Variants in DNAH5 observed in about 807,000 individuals in gnomAD.
DNAH5 encodes axonemal beta dynein heavy chain 5.
DNAH5 carries 372 observed loss-of-function variants against 518.2 expected under a neutral mutation model. That is an observed-to-expected ratio of 0.72 (90% CI 0.66 to 0.78). DNAH5 has a LOEUF of 0.78. Among genes scored for constraint, DNAH5 ranks in the 30% least tolerant of loss-of-function variants. The pLI, the probability that DNAH5 is intolerant of heterozygous loss-of-function variation, is 0.00. For missense variants in DNAH5, 5,523 were observed against 5,687.0 expected, an observed-to-expected ratio of 0.97 and a Z score of 0.93; for synonymous variants, 2,039 against 2,025.9, an observed-to-expected ratio of 1.01 and a Z score of -0.17.
At chr5:13,747,224 T>G (rs1361136923) in intron 65 of DNAH5, among the ~76,000 whole-genome samples, 1 of 152,180 alleles carries the variant, frequency 6.6e-6, no homozygotes, top group Non-Finnish European at 1.5e-5. Context: ...GAACTCATCC[T>G]TTTTTACGGC....
intron 52 of DNAH5, among the ~76,000 whole-genome samples, chr5:13,783,645 A>G (rs1181423454): frequency 6.6e-6 from 1 of 152,200 alleles, no homozygotes; most frequent in East Asian, 1.9e-4. Flanking sequence ...ACTTTCACCA[A>G]AGAGACAAAA....
chr5:13,820,651 C>T (rs1561348561), intron 40 of DNAH5, 152 bp from the exon 41 acceptor site: 11 of 862,348 alleles, frequency 1.3e-5, no homozygotes, highest in South Asian at 8.3e-5. Flanking sequence ...GGTGAAACCC[C>T]GTCTCTACTA....
chr5:13,766,466 A>G (rs1752528859), intron 58 of DNAH5, among the ~76,000 whole-genome samples: 1 of 152,258 alleles, frequency 6.6e-6, no homozygotes, highest in Admixed American at 6.5e-5. Context: ...GAAAAAAGAA[A>G]GGCATAATCT....
At chr5:13,890,413 A>C (rs1344909455) in intron 17 of DNAH5, among the ~76,000 whole-genome samples, 2 of 151,304 alleles carry the variant, frequency 1.3e-5, no homozygotes, top group African/African-American at 2.4e-5. Context: ...TCTCAAAAAA[A>C]AAAAAAAAGG....
rs1284693988 is a variant in DNAH5, at chr5:13,754,313, C to T, written c.10445G>A (p.Cys3482Tyr). Reference sequence around the variant, plus strand: ...GGAAGCTGTCTGCATCTTGTGTCTGCATCGCTCTGCATCTTCAAGCAAGGT... The same window carrying T: ...GGAAGCTGTCTGCATCTTGTGTCTGTATCGCTCTGCATCTTCAAGCAAGGT... ...KQTLLEDAER[C>Y]RHKMQTASTL... Residue 3482 changes from cysteine to tyrosine, a missense_variant, in exon 62 of 79, where the codon TGC (cysteine) becomes TAC (tyrosine). Around this residue, in one of 3 missense-constraint regions of DNAH5, gnomAD observed 5,121 missense variants for 5,223.3 expected, o/e 0.98. Transcript: ENST00000265104. 4 of 1,614,076 alleles carry T rather than the reference C, an allele frequency of 2.5e-6. No individual in the cohort carries two copies. The South Asian group carries it at 4.4e-5, about 18-fold the overall frequency.
chr5:14,006,268 A>G (rs10866505), intron 1 of DNAH5, among the ~76,000 whole-genome samples: 50,009 of 152,076 alleles, frequency 0.33, 9,102 homozygotes, highest in East Asian at 0.82. Flanking sequence ...TCCAGTTGAC[A>G]TACCAGCGCG....
intron 55 of DNAH5, among the ~76,000 whole-genome samples, chr5:13,771,987 C>T (rs1753405289): frequency 6.6e-6 from 1 of 152,144 alleles, no homozygotes; most frequent in Admixed American, 6.5e-5. Context: ...ATAATAGAGA[C>T]AATTCATCGG....
chr5:13,739,637 A>G (rs1279201719), intron 65 of DNAH5, among the ~76,000 whole-genome samples: 1 of 152,196 alleles, frequency 6.6e-6, no homozygotes, highest in Non-Finnish European at 1.5e-5. Context: ...ATGAAACCAT[A>G]TAAAACATAA....
intron 1 of DNAH5, among the ~76,000 whole-genome samples, chr5:14,001,676 T>TC (rs373511430): frequency 0.036 from 5,290 of 147,840 alleles, 120 homozygotes; most frequent in South Asian, 0.065. Flanking sequence ...TTTTTTTCTT[T>TC]TCTTTTTTTT....
At chr5:13,697,779 C>T (rs1741570419) in intron 78 of DNAH5, among the ~76,000 whole-genome samples, 1 of 152,208 alleles carries the variant, frequency 6.6e-6, no homozygotes, top group Non-Finnish European at 1.5e-5. Flanking sequence ...CCATTACCAC[C>T]TCATGACTTT....
intron 53 of DNAH5, among the ~76,000 whole-genome samples, chr5:13,779,618 A>G (rs997230931): frequency 3.9e-5 from 6 of 152,206 alleles, no homozygotes; most frequent in Non-Finnish European, 7.4e-5. Flanking sequence ...CACCTCTCCA[A>G]ATCACCTCTG....
chr5:13,890,736 A>T (rs1030244298), intron 17 of DNAH5, among the ~76,000 whole-genome samples: 1 of 152,236 alleles, frequency 6.6e-6, no homozygotes, highest in Non-Finnish European at 1.5e-5. Context: ...AGTGTGTTCT[A>T]TGGCAATTTC....
intron 1 of DNAH5, among the ~76,000 whole-genome samples, chr5:13,989,963 C>T (rs1251081516): frequency 6.6e-5 from 10 of 151,994 alleles, no homozygotes; most frequent in Admixed American, 3.3e-4. Context: ...AACAGGGCTG[C>T]GAAGTAGGTA....
At chr5:13,985,283 TG>T (rs1260592636) in intron 1 of DNAH5, among the ~76,000 whole-genome samples, 16 of 75,848 alleles carry the variant, frequency 2.1e-4, no homozygotes, top group African/African-American at 8.5e-4. Context: ...TGTTGTAGGG[TG>T]GGGGGAGGGG....
At chr5:13,771,658 T>C (rs1443832287) in intron 55 of DNAH5, among the ~76,000 whole-genome samples, 1 of 152,190 alleles carries the variant, frequency 6.6e-6, no homozygotes, top group Non-Finnish European at 1.5e-5. Context: ...TGAATGCCTG[T>C]TGCGGAGCCA....
intron 65 of DNAH5, among the ~76,000 whole-genome samples, chr5:13,741,310 G>T (rs1380557320): frequency 6.6e-6 from 1 of 152,164 alleles, no homozygotes; most frequent in Non-Finnish European, 1.5e-5. Flanking sequence ...CAGTGAATCA[G>T]GTCTGCGGAC....
chr5:13,852,714 G>A (rs895282483), intron 30 of DNAH5, among the ~76,000 whole-genome samples: 10 of 149,454 alleles, frequency 6.7e-5, no homozygotes, highest in Non-Finnish European at 1.5e-4. Flanking sequence ...TGAGGCTTGA[G>A]TAGGCGGTTT....
intron 58 of DNAH5, 23 bp downstream of exon 58, chr5:13,768,937 T>C (rs369117636): frequency 6.8e-6 from 11 of 1,613,968 alleles, no homozygotes; most frequent in Non-Finnish European, 9.3e-6. Flanking sequence ...AAAGCTGACA[T>C]CTGTTATATC....
rs758777667 is a variant in DNAH5 at position 13,727,512 on chromosome 5, C to A, written c.12028G>T (p.Ala4010Ser). The A allele has an allele frequency of 1.2e-6, 2 of 1,612,412 alleles. No homozygotes were observed. The highest frequency in any genetic ancestry group is 2.7e-5 in the African/African-American group (2 of 74,846). The change falls in exon 70 of 79, where the codon GCC (alanine) becomes TCC (serine). Residue 4010 changes from alanine to serine, a missense_variant. Physicochemically the swap from Ala to Ser is moderately conservative, Grantham distance 99. Around this residue, in one of 3 missense-constraint regions of DNAH5, gnomAD observed 5,121 missense variants for 5,223.3 expected, o/e 0.98. Transcript: ENST00000265104. ...IRSWCPDRTI[A>S]QARKYIVDSM... ...CTTTAATATGGACTTTTTACCTGGG[C>A]GATGGTTCTGTCAGGACACCAGGAT...
Sources: allele counts gnomAD v4.1 joint callset (sites outside exome capture counted in the v4.1 genomes callset), GRCh38; gene constraint gnomAD v4.1.1; regional missense constraint gnomAD v4.1.1; transcripts MANE v1.5; gene names NCBI Gene and HGNC (gene_info 2026-07-23, HGNC 2026-07-21).